DNAH2: variants seen among roughly 807,000 people sequenced by gnomAD.
The protein encoded by DNAH2 is dynein axonemal heavy chain 2.
DNAH2 carries 323 observed loss-of-function variants against 523.5 expected under a neutral mutation model. That is an observed-to-expected ratio of 0.62 (90% confidence interval 0.56 to 0.68). The LOEUF is 0.68. Ranked by LOEUF, DNAH2 falls within the 30% of genes least tolerant of loss-of-function variation. DNAH2 has a pLI of 0.00. For missense variants in DNAH2, 4,907 were observed against 5,701.5 expected, an observed-to-expected ratio of 0.86 and a Z score of 4.49; for synonymous variants, 2,093 against 2,177.4, an observed-to-expected ratio of 0.96 and a Z score of 1.08.
chr17:7,734,826 AC>A, intron 7 of DNAH2, 118 bp downstream of exon 7: 1 of 1,033,916 alleles, frequency 9.7e-7, no homozygotes, highest in Non-Finnish European at 1.5e-6. Flanking sequence ...AGACTGACCC[AC>A]CCAGGGTTCG....
intron 49 of DNAH2, 124 bp from the exon 50 acceptor site, chr17:7,796,340 T>C: frequency 1.8e-6 from 2 of 1,093,696 alleles, no homozygotes; most frequent in South Asian, 1.7e-5. Context: ...TGAGCCACCG[T>C]GCCCGGCCCT....
rs1264755272 is a variant in DNAH2 at position 7,828,272 on chromosome 17, G to A, written c.11854-2028G>A. On this transcript the variant is annotated intron_variant, in intron 77 of 85. Coordinates refer to ENST00000572933, the MANE Select transcript of DNAH2 (RefSeq NM_020877.5). The surrounding 1 kb of genome is among the most constrained non-coding windows in gnomAD (Gnocchi z 4.1). ...GCTTTATAATAATTCTTGATGGCTG[G>A]TAAGGCACATCTTCTTACCTTATTC... Among the ~76,000 whole-genome samples the A allele has an allele frequency of 3.9e-5, 6 of 152,002 alleles. No homozygotes were observed. Among genetic ancestry groups the A allele is most frequent in the Non-Finnish European group, 1.5e-5 (1 of 68,038 alleles).
chr17:7,731,142 TTA>T (rs2074975251), intron 4 of DNAH2, among the ~76,000 whole-genome samples: 1 of 150,826 alleles, frequency 6.6e-6, no homozygotes, highest in Non-Finnish European at 1.5e-5. Flanking sequence ...ATTAATTAAA[TTA>T]AATTAAATTA....
At chr17:7,799,966 C>G (rs2077177258) in intron 56 of DNAH2, among the ~76,000 whole-genome samples, 1 of 152,236 alleles carries the variant, frequency 6.6e-6, no homozygotes, top group Non-Finnish European at 1.5e-5. Context: ...CCCATGAAAC[C>G]ATTGCTCCCC....
At position 7,804,378 on chromosome 17, in the gene DNAH2, A is replaced by G; in HGVS notation, c.9095A>G (p.Lys3032Arg). The G allele has an allele frequency of 6.2e-7, 1 of 1,614,174 alleles. No homozygotes were observed. Residue 3032 changes from lysine (K) to arginine (R), a missense_variant, in exon 59 of 86, where the codon AAG (lysine) becomes AGG (arginine). Transcript: ENST00000572933. ...ATGTCGTTGGAGCTGGAGGATGCCA[A>G]GAAGAAGGTGGCTGAGTTCCAGAAG... ...QVMSLELEDA[K>R]KKVAEFQKQC...
Position 7,817,719 on chromosome 17 carries a change from C to CTG in DNAH2, c.10169+11_10169+12dup, listed in dbSNP as rs1217387222. 4.3e-6 allele frequency: 7 copies of CTG among 1,614,056 alleles called. No homozygotes were observed. The highest frequency in any genetic ancestry group is 2.5e-6 in the Non-Finnish European group (3 of 1,180,022). On this transcript the variant is annotated intron_variant, in intron 66 of 85. Transcript: ENST00000572933. ...TCACCCGAGGCAACAGGTGAGGGTGCTGCTGGGCGTGGGGGCGGTACGGGA... is the reference window on the plus strand; with the variant it reads ...TCACCCGAGGCAACAGGTGAGGGTGCTGTGCTGGGCGTGGGGGCGGTACGGGA...
At chr17:7,815,358 G>A (rs2077630397) in intron 63 of DNAH2, among the ~76,000 whole-genome samples, 1 of 152,238 alleles carries the variant, frequency 6.6e-6, no homozygotes, top group African/African-American at 2.4e-5. Context: ...CTTTCCCAGT[G>A]AGGTGGCAGC....
chr17:7,734,604 A>G lies in DNAH2; in HGVS notation c.874A>G (p.Ser292Gly). 6.2e-7 allele frequency: 1 copy of G among 1,613,736 alleles called. No individual in the cohort carries two copies. Among genetic ancestry groups the G allele is most frequent in the East Asian group, 2.2e-5 (1 of 44,864 alleles). Residue 292 changes from serine to glycine, a missense_variant, in exon 7 of 86, where the codon AGT (serine) becomes GGT (glycine). Transcript: ENST00000572933. The stretch of plus-strand genomic sequence containing the variant: ...CCGATGCATGGACCTGTCTGGCATC[A>G]GTAAGCAGCTGGTGAAGAAGGGAGT... ...RNRCMDLSGI[S>G]KQLVKKGVKH...
intron 56 of DNAH2, among the ~76,000 whole-genome samples, chr17:7,800,502 A>C (rs2077192574): frequency 6.6e-6 from 1 of 152,014 alleles, no homozygotes; most frequent in Non-Finnish European, 1.5e-5. Context: ...ATATGACTAG[A>C]TTTTTAAGGG....
At position 7,807,497 on chromosome 17, in the gene DNAH2, G is replaced by C. The variant is rs1410757548; in HGVS notation, c.9640G>C (p.Glu3214Gln). 6.2e-7 allele frequency: 1 copy of C among 1,613,620 alleles called. No individual in the cohort carries two copies. The highest frequency in any genetic ancestry group is 2.2e-5 in the East Asian group (1 of 44,884). ...GTATGGGCGGCTATATCGGGTGGTG[G>C]AGCCCAAGCGAATCCGAATGAACGC... ...ELYGRLYRVV[E>Q]PKRIRMNAAL... Residue 3214 changes from glutamate to glutamine, a missense_variant, in exon 63 of 86, where the codon GAG becomes CAG. Around this residue, in one of 3 missense-constraint regions of DNAH2, gnomAD observed 1,851 missense variants for 2,139.4 expected, o/e 0.87. Coordinates refer to ENST00000572933, the MANE Select transcript of DNAH2 (RefSeq NM_020877.5). The surrounding 1 kb of genome is among the most constrained non-coding windows in gnomAD (Gnocchi z 5.6).
intron 12 of DNAH2, chr17:7,743,593 G>A: frequency 1.8e-6 from 1 of 542,018 alleles, no homozygotes; most frequent in African/African-American, 1.9e-5. Flanking sequence ...CTGAGCCCGG[G>A]AGGCAGAGGC....
At chr17:7,743,688 C>T (rs34152038) in intron 12 of DNAH2, 21,162 of 279,742 alleles carry the variant, frequency 0.076, 1,131 homozygotes, top group Admixed American at 0.12. Context: ...AAAACCACTC[C>T]ACTATCTGAC....
At chr17:7,737,372 C>T in intron 8 of DNAH2, 114 bp downstream of exon 8, 3 of 1,160,210 alleles carry the variant, frequency 2.6e-6, no homozygotes, top group Admixed American at 2.2e-5. Flanking sequence ...TGAAGATTGC[C>T]CTTCTGCTCA....
Position 7,757,252 on chromosome 17 carries a change from C to T in DNAH2, c.2051+15C>T, listed in dbSNP as rs753305835. 4.3e-6 allele frequency: 7 copies of T among 1,612,704 alleles called. No individual in the cohort carries two copies. In the African/African-American group the frequency reaches 5.3e-5, roughly 12 times the overall value. On this transcript the variant is annotated intron_variant, in intron 13 of 85. Coordinates refer to ENST00000572933, the MANE Select transcript of DNAH2 (RefSeq NM_020877.5). ...GACTACAATAGGTAGGGCTTCAGTC[C>T]TCACTGCAGCCCTTCAAGATGCTAT...
At position 7,821,048 on chromosome 17, in the gene DNAH2, A is replaced by G. The variant is rs1462907934; in HGVS notation, c.11016-195A>G. On this transcript the variant is annotated intron_variant, in intron 72 of 85. Coordinates refer to ENST00000572933, the MANE Select transcript of DNAH2 (RefSeq NM_020877.5). This position sits in a 1 kb window ranked among gnomAD's most constrained non-coding sequence, Gnocchi z 5.0. ...GAGCGAAACTCTGTCTCAAAAAGTA[A>G]TAATAATAATAAGTGGACTCTGGGA... is the stretch of plus-strand genomic sequence containing the variant. Among the ~76,000 whole-genome samples, 1 of 151,978 alleles carries G rather than the reference A, an allele frequency of 6.6e-6. No individual in the cohort carries two copies. The highest frequency in any genetic ancestry group is 1.5e-5 in the Non-Finnish European group (1 of 68,012).
chr17:7,792,494 C>A, intron 46 of DNAH2, 151 bp downstream of exon 46: 2 of 1,013,322 alleles, frequency 2.0e-6, no homozygotes, highest in Non-Finnish European at 3.0e-6. Context: ...GGAAGCGGGA[C>A]CTAGAGGGCT....
At chr17:7,735,693 C>A (rs2151141641) in intron 7 of DNAH2, among the ~76,000 whole-genome samples, 1 of 152,112 alleles carries the variant, frequency 6.6e-6, no homozygotes, top group Middle Eastern at 3.4e-3. Flanking sequence ...CCCACTTCAG[C>A]CTCCTAAAGT....
At chr17:7,721,572 G>A (rs183415751) in intron 2 of DNAH2, among the ~76,000 whole-genome samples, 45 of 152,226 alleles carry the variant, frequency 3.0e-4, no homozygotes, top group African/African-American at 3.1e-4. Context: ...CTCCGGAATC[G>A]CCTGTTCCAT....
In DNAH2 at chr17:7,781,161, T is replaced by C. The variant is rs763895672; in HGVS notation, c.6123T>C (p.Tyr2041=). The C allele has an allele frequency of 1.2e-6, 2 of 1,614,230 alleles. No homozygotes were observed. Among genetic ancestry groups the C allele is most frequent in the Non-Finnish European group, 1.7e-6 (2 of 1,180,044 alleles). The part of the protein sequence containing the change: ...FPNIELPVID[Y]GKLRETVEQE... ...ACATTGAGCTGCCTGTCATTGACTA[T>C]GGCAAGGTATTTGTTCCTTAATACT... is the stretch of plus-strand genomic sequence containing the variant. The change falls in exon 39 of 86, where the codon TAT becomes TAC. Residue 2041 remains tyrosine (Y), a synonymous_variant. Coordinates refer to ENST00000572933, the MANE Select transcript of DNAH2 (RefSeq NM_020877.5).
Sources: allele counts gnomAD v4.1 joint callset (sites outside exome capture counted in the v4.1 genomes callset), GRCh38; gene constraint gnomAD v4.1.1; regional missense constraint gnomAD v4.1.1; non-coding constraint Gnocchi (gnomAD v3.1); transcripts MANE v1.5; gene names NCBI Gene and HGNC (gene_info 2026-07-23, HGNC 2026-07-21).